Variants in SLC11A2 observed in about 807,000 individuals in gnomAD.
SLC11A2 encodes the protein solute carrier family 11 member 2.
Under a neutral mutation model 68.0 loss-of-function variants are expected in SLC11A2, and 38 were observed. The observed-to-expected ratio is 0.56, with a 90% confidence interval of 0.43 to 0.73. The LOEUF (loss-of-function observed/expected upper bound fraction) is 0.73, where lower values mean the gene tolerates loss of function less well. Ranked by LOEUF, SLC11A2 falls within the 30% of genes least tolerant of loss-of-function variation. The pLI is 0.00. For missense variants in SLC11A2, 517 were observed against 690.5 expected, an observed-to-expected ratio of 0.75 and a Z score of 2.82; for synonymous variants, 242 against 250.6, an observed-to-expected ratio of 0.97 and a Z score of 0.32.
At chr12:50,954,324 T>C in the SLC11A2 span, 3 of 416,700 alleles carry the variant, frequency 7.2e-6, no homozygotes, top group East Asian at 1.2e-4. Flanking sequence ...ATCCATTTCA[T>C]TAGAAGTCTA....
At chr12:51,009,183 C>G (rs1282902860) in intron 2 of SLC11A2, 1 of 1,500,730 alleles carries the variant, frequency 6.7e-7, no homozygotes, top group East Asian at 2.5e-5. Flanking sequence ...GTTACAAAAT[C>G]CTGCCACAGT....
chr12:51,025,373 T>C (rs1944312618), intron 1 of SLC11A2, among the ~76,000 whole-genome samples: 1 of 152,192 alleles, frequency 6.6e-6, no homozygotes. Context: ...CAATCCCCAT[T>C]TTAAGTACGT....
chr12:50,954,053 C>T, the SLC11A2 span: 1 of 1,613,270 alleles, frequency 6.2e-7, no homozygotes. Context: ...ATTATCCCGA[C>T]TAATCAGGAA....
At chr12:50,953,315 C>A in the SLC11A2 span, among the ~76,000 whole-genome samples, 1 of 152,202 alleles carries the variant, frequency 6.6e-6, no homozygotes, top group Non-Finnish European at 1.5e-5. Context: ...TAGGATGAAG[C>A]CGCTGTATTT....
At chr12:50,988,866 C>G (rs1489071624) in intron 15 of SLC11A2, among the ~76,000 whole-genome samples, 2 of 152,056 alleles carry the variant, frequency 1.3e-5, no homozygotes, top group Non-Finnish European at 2.9e-5. Flanking sequence ...ACGCACACCA[C>G]CATGCCCAGC....
At chr12:50,998,859 C>T (rs1207825140) in intron 8 of SLC11A2, among the ~76,000 whole-genome samples, 1 of 152,110 alleles carries the variant, frequency 6.6e-6, no homozygotes. Flanking sequence ...ACCCTGCAAC[C>T]CCCTCCTTAA....
chr12:51,007,837 C>T (rs1319047746), intron 3 of SLC11A2, among the ~76,000 whole-genome samples: 2 of 151,994 alleles, frequency 1.3e-5, no homozygotes, highest in Admixed American at 6.6e-5. Context: ...GACAGGGTTT[C>T]GCCATATTGG....
At chr12:50,953,416 T>A in the SLC11A2 span, among the ~76,000 whole-genome samples, 6 of 152,236 alleles carry the variant, frequency 3.9e-5, no homozygotes, top group South Asian at 8.3e-4. Context: ...GCAAGTTTCT[T>A]CATTCATCCT....
chr12:51,027,254 A>G (rs1240430687), upstream of SLC11A2, among the ~76,000 whole-genome samples: 1 of 151,266 alleles, frequency 6.6e-6, no homozygotes, highest in Non-Finnish European at 1.5e-5. Flanking sequence ...TGGGAGAATC[A>G]CTTGGGCCTG....
rs183180371 is a variant in SLC11A2 at position 50,997,029 on chromosome 12, T to G, written c.676-57A>C. The G allele has an allele frequency of 1.0e-5, 14 of 1,380,890 alleles. No individual in the cohort carries two copies. In the Admixed American group the frequency reaches 2.3e-4, roughly 23 times the overall value. The allele number at this position is 1,380,890 out of a possible 1,614,324, so 85.5% of individuals were successfully genotyped here. ...ACAGGAACGTGAAACGGGAGTAACA[T>G]AGTACCAGGGAACAGTTAGCATCCT... On this transcript the variant is annotated intron_variant, in intron 8 of 15. Coordinates refer to ENST00000262052, the MANE Select transcript of SLC11A2 (RefSeq NM_000617.3).
At chr12:50,980,071 C>A, downstream of SLC11A2, 1 of 392,508 alleles carries the variant, frequency 2.5e-6, no homozygotes, top group South Asian at 1.8e-5. Context: ...ACAAAAAATA[C>A]AAAAATTAGC....
At chr12:51,011,838 G>A (rs2136330959) in intron 1 of SLC11A2, among the ~76,000 whole-genome samples, 1 of 152,166 alleles carries the variant, frequency 6.6e-6, no homozygotes, top group South Asian at 2.1e-4. Flanking sequence ...GGGATTACAG[G>A]CATGAGCCAC....
At chr12:50,957,233 C>CA in the SLC11A2 span, among the ~76,000 whole-genome samples, 2 of 149,930 alleles carry the variant, frequency 1.3e-5, no homozygotes, top group Non-Finnish European at 3.0e-5. Context: ...TTTTTAAAGA[C>CA]AGAGTTTCCC....
chr12:51,000,141 GA>G (rs1566005177), intron 6 of SLC11A2, among the ~76,000 whole-genome samples, 171 bp downstream of exon 6: 1 of 152,166 alleles, frequency 6.6e-6, no homozygotes. Context: ...GGAAACGGAA[GA>G]TGTAGAGTCT....
At chr12:51,019,509 T>C (rs553862848) in intron 1 of SLC11A2, among the ~76,000 whole-genome samples, 5 of 152,324 alleles carry the variant, frequency 3.3e-5, no homozygotes, top group African/African-American at 1.2e-4. Context: ...AATTATTTTC[T>C]GAACCCTATG....
intron 5 of SLC11A2, 99 bp from the exon 6 acceptor site, chr12:51,000,518 G>A (rs1393344125): frequency 1.1e-6 from 1 of 872,660 alleles, no homozygotes; most frequent in Non-Finnish European, 1.9e-6. Context: ...ACCATAAACA[G>A]TCCTTTATAA....
At chr12:50,954,615 C>T in the SLC11A2 span, among the ~76,000 whole-genome samples, 2,951 of 152,098 alleles carry the variant, frequency 0.019, 78 homozygotes, top group African/African-American at 0.065. Flanking sequence ...AATCCCAGCG[C>T]TTTGGGAGGC....
chr12:51,021,541 C>T (rs535076232), intron 1 of SLC11A2, among the ~76,000 whole-genome samples: 2 of 151,812 alleles, frequency 1.3e-5, no homozygotes, highest in East Asian at 3.9e-4. Context: ...GCAGGAGAAT[C>T]GCTTGAGCCT....
chr12:51,010,839 C>T lies in SLC11A2; in HGVS notation c.-38-73G>A, dbSNP rs72563143. 287 of 676,264 alleles carry T rather than the reference C, an allele frequency of 4.2e-4. 1 individual carries two copies. In the African/African-American group the frequency reaches 4.6e-3, roughly 11 times the overall value. The allele number at this position is 676,264 out of a possible 1,614,324, so 41.9% of individuals were successfully genotyped here. A position where few individuals can be genotyped will look rare whatever the true frequency, so the allele number is the denominator to read the frequency against. Reference sequence around the variant, plus strand: ...CAAGTTCAGAACCAGCAGTTTGTTACTCTGTATGACTGAATCCTTACTATG... The same window carrying T: ...CAAGTTCAGAACCAGCAGTTTGTTATTCTGTATGACTGAATCCTTACTATG... On this transcript the variant is annotated intron_variant, in intron 1 of 15. Coordinates refer to ENST00000262052, the MANE Select transcript of SLC11A2 (RefSeq NM_000617.3).
Sources: gnomAD v4.1 joint callset for allele counts (sites outside exome capture counted in the v4.1 genomes callset) on GRCh38, gnomAD v4.1.1 for gene constraint, MANE v1.5 for transcripts, NCBI Gene and HGNC (gene_info 2026-07-23, HGNC 2026-07-21) for gene names.